CCDC149: variants seen among roughly 807,000 people sequenced by gnomAD.
The protein encoded by CCDC149 is coiled-coil domain-containing protein 149.
A neutral mutation model predicts 59.9 loss-of-function variants in CCDC149; 45 were observed. The ratio of observed to expected loss-of-function variants is 0.75; its 90% CI spans 0.59 to 0.96. The LOEUF is 0.96. Among genes scored for constraint, CCDC149 ranks in the 40% least tolerant of loss-of-function variants. The pLI is 0.00. For missense variants in CCDC149, 584 were observed against 664.7 expected, an observed-to-expected ratio of 0.88 and a Z score of 1.33; for synonymous variants, 245 against 260.6, an observed-to-expected ratio of 0.94 and a Z score of 0.58.
intron 1 of CCDC149, among the ~76,000 whole-genome samples, chr4:24,878,598 G>A (rs918229888): frequency 1.2e-4 from 19 of 152,136 alleles, no homozygotes; most frequent in Non-Finnish European, 2.2e-4. Context: ...TTCTTTTCCC[G>A]TAATCAGCAC....
At chr4:24,854,817 T>G (rs1402261379) in intron 3 of CCDC149, among the ~76,000 whole-genome samples, 1 of 152,182 alleles carries the variant, frequency 6.6e-6, no homozygotes, top group East Asian at 1.9e-4. Context: ...CATGATCCTA[T>G]TTCAGTGCCA....
chr4:24,858,284 C>T (rs1234118787), intron 3 of CCDC149, among the ~76,000 whole-genome samples: 1 of 152,202 alleles, frequency 6.6e-6, no homozygotes, highest in African/African-American at 2.4e-5. Context: ...AAGTGGCAGC[C>T]TGCCTAAGAC....
intron 2 of CCDC149, among the ~76,000 whole-genome samples, chr4:24,874,953 G>A (rs1030920228): frequency 3.9e-5 from 6 of 152,136 alleles, no homozygotes; most frequent in Non-Finnish European, 8.8e-5. Context: ...CGCAGGATAC[G>A]AGAAAGGTTA....
At chr4:24,957,410 T>G (rs1194565283) in intron 1 of CCDC149, among the ~76,000 whole-genome samples, 1 of 152,316 alleles carries the variant, frequency 6.6e-6, no homozygotes, top group Non-Finnish European at 1.5e-5. Context: ...AGGAGGAGTA[T>G]TAAGCCCAAA....
chr4:24,950,838 C>A (rs1723265940), intron 1 of CCDC149, among the ~76,000 whole-genome samples: 1 of 152,170 alleles, frequency 6.6e-6, no homozygotes, highest in Non-Finnish European at 1.5e-5. Context: ...GTGTAGCCAC[C>A]ATTCAGAACC....
At chr4:24,954,335 G>C (rs1416877956) in intron 1 of CCDC149, among the ~76,000 whole-genome samples, 1 of 152,184 alleles carries the variant, frequency 6.6e-6, no homozygotes, top group Non-Finnish European at 1.5e-5. Flanking sequence ...CTACAGTTCT[G>C]AGGTCTCAGG....
chr4:24,848,052 T>C (rs1161281470), intron 4 of CCDC149, among the ~76,000 whole-genome samples: 2 of 152,004 alleles, frequency 1.3e-5, no homozygotes, highest in Non-Finnish European at 2.9e-5. Flanking sequence ...ATCCCAGAAA[T>C]AAAAAATTCA....
intron 1 of CCDC149, among the ~76,000 whole-genome samples, chr4:24,973,124 A>G (rs748997961): frequency 1.3e-5 from 2 of 152,182 alleles, no homozygotes; most frequent in Non-Finnish European, 2.9e-5. Context: ...GAATCCCCCT[A>G]TGACCTGTAA....
intron 1 of CCDC149, among the ~76,000 whole-genome samples, chr4:24,971,443 G>A (rs1482699074): frequency 6.6e-6 from 1 of 152,212 alleles, no homozygotes; most frequent in Non-Finnish European, 1.5e-5. Flanking sequence ...AGGAGTGCAG[G>A]TGCACAACCC....
At chr4:24,855,959 A>G (rs1717978063) in intron 3 of CCDC149, among the ~76,000 whole-genome samples, 1 of 152,210 alleles carries the variant, frequency 6.6e-6, no homozygotes, top group Admixed American at 6.5e-5. Context: ...GAGTTTCTTA[A>G]TCTCTTGGGT....
chr4:24,828,127 G>A (rs971186641), intron 9 of CCDC149: 1 of 151,932 alleles, frequency 6.6e-6, no homozygotes, highest in Non-Finnish European at 1.5e-5. Context: ...TGAAACAGAG[G>A]ACCCCCTAAG....
intron 1 of CCDC149, among the ~76,000 whole-genome samples, chr4:24,945,477 C>A (rs559764456): frequency 6.6e-6 from 1 of 152,238 alleles, no homozygotes; most frequent in African/African-American, 2.4e-5. Context: ...TAGGAAGAGG[C>A]AAGAAAGGAG....
At chr4:24,971,308 C>T (rs368986197) in intron 1 of CCDC149, among the ~76,000 whole-genome samples, 4 of 152,322 alleles carry the variant, frequency 2.6e-5, no homozygotes, top group Admixed American at 6.5e-5. Context: ...GGGCTCTGCC[C>T]TATGGGCTTG....
At chr4:24,966,167 C>T (rs894448179) in intron 1 of CCDC149, among the ~76,000 whole-genome samples, 3 of 152,142 alleles carry the variant, frequency 2.0e-5, no homozygotes, top group Non-Finnish European at 4.4e-5. Context: ...GGCACAAGGG[C>T]AACGTGACCA....
chr4:24,836,564 A>C, intron 6 of CCDC149, 56 bp from the exon 7 acceptor site: 1 of 1,212,506 alleles, frequency 8.2e-7, no homozygotes, highest in Non-Finnish European at 1.2e-6. Flanking sequence ...AAAAACACAC[A>C]CTGAAGTATA....
chr4:24,891,665 C>T (rs1720534391), intron 1 of CCDC149, among the ~76,000 whole-genome samples: 1 of 152,190 alleles, frequency 6.6e-6, no homozygotes, highest in Admixed American at 6.5e-5. Context: ...ATAGACATCA[C>T]TAATTCAGGT....
chr4:24,940,169 G>T (rs942998078), intron 1 of CCDC149, among the ~76,000 whole-genome samples: 3 of 152,208 alleles, frequency 2.0e-5, no homozygotes, highest in Admixed American at 6.5e-5. Context: ...CCCACAAAAG[G>T]AAGCCCATCA....
At chr4:24,883,005 G>A (rs1318273962) in intron 1 of CCDC149, among the ~76,000 whole-genome samples, 1 of 152,084 alleles carries the variant, frequency 6.6e-6, no homozygotes, top group African/African-American at 2.4e-5. Context: ...ATATGCTTAC[G>A]TGCCTGTCCC....
At chr4:24,856,281 C>A (rs1422020269) in intron 3 of CCDC149, among the ~76,000 whole-genome samples, 1 of 152,158 alleles carries the variant, frequency 6.6e-6, no homozygotes, top group Non-Finnish European at 1.5e-5. Context: ...TGTTTTAGAC[C>A]TGGAGATACA....
Sources: allele counts gnomAD v4.1 joint callset (sites outside exome capture counted in the v4.1 genomes callset), GRCh38; gene constraint gnomAD v4.1.1; transcripts MANE v1.5; gene names NCBI Gene and HGNC (gene_info 2026-07-23, HGNC 2026-07-21).